GNG10: variants seen among roughly 807,000 people sequenced by gnomAD.
GNG10 encodes guanine nucleotide-binding protein G(I)/G(S)/G(O) subunit gamma-10.
In GNG10, 7 loss-of-function variants were observed where a neutral mutation model predicts 6.8. The ratio of observed to expected loss-of-function variants is 1.02; its 90% confidence interval spans 0.58 to 1.92. The LOEUF (loss-of-function observed/expected upper bound fraction) is 1.92, where lower values mean the gene tolerates loss of function less well. Ranked by LOEUF, GNG10 falls within the 30% of genes most tolerant of loss-of-function variation. GNG10 has a pLI of 0.00. For missense variants in GNG10, 57 were observed against 86.1 expected, an observed-to-expected ratio of 0.66 and a Z score of 1.34; for synonymous variants, 28 against 34.8, an observed-to-expected ratio of 0.80 and a Z score of 0.69.
intron 1 of GNG10, among the ~76,000 whole-genome samples, chr9:111,664,882 G>A (rs553727347): frequency 6.6e-6 from 1 of 152,124 alleles, no homozygotes; most frequent in East Asian, 1.9e-4. Flanking sequence ...ATTGATTCTC[G>A]ATTTCTTTTG....
chr9:111,661,736 C>T lies in GNG10; in HGVS notation c.81+21C>T. ...TCAAGGTGCGGGCCCCGGGTACCCACGCTCCGGTCCTTCCGCCCGCGGGGC... is the reference window on the plus strand; with the variant it reads ...TCAAGGTGCGGGCCCCGGGTACCCATGCTCCGGTCCTTCCGCCCGCGGGGC... On this transcript the variant is annotated intron_variant, in intron 1 of 2. Coordinates refer to ENST00000374293, the MANE Select transcript of GNG10 (RefSeq NM_001017998.4). The surrounding 1 kb of genome is among the most constrained non-coding windows in gnomAD (Gnocchi z 6.1). 1.6e-6 allele frequency: 2 copies of T among 1,286,618 alleles called. No individual in the cohort carries two copies. The highest frequency in any genetic ancestry group is 2.0e-6 in the Non-Finnish European group (2 of 991,300). The allele number at this position is 1,286,618 out of a possible 1,614,324, so 79.7% of individuals were successfully genotyped here.
chr9:111,663,369 A>G (rs1209104941), intron 1 of GNG10, among the ~76,000 whole-genome samples: 2 of 152,150 alleles, frequency 1.3e-5, no homozygotes, highest in African/African-American at 4.8e-5. Context: ...CAGGGGAGGT[A>G]TGCCAGAAAG....
At position 111,669,553 on chromosome 9, in the gene GNG10, T is replaced by C. The variant is rs1417908235; in HGVS notation, c.*291T>C. On this transcript the variant is annotated 3_prime_UTR_variant, in exon 3 of 3. Transcript: ENST00000374293. ...ACCACCAAACATACCAAAATGCACCTCTTTCATAAGTGAGTTACTAAGATT... is the reference window on the plus strand; with the variant it reads ...ACCACCAAACATACCAAAATGCACCCCTTTCATAAGTGAGTTACTAAGATT... 3 of 150,106 alleles carry C rather than the reference T, an allele frequency of 2.0e-5. No individual in the cohort carries two copies. The highest frequency in any genetic ancestry group is 4.4e-5 in the Non-Finnish European group (3 of 67,772). The allele number at this position is 150,106 out of a possible 1,614,324, so 9.3% of individuals were successfully genotyped here.
rs186151070 is a variant in GNG10 at position 111,667,354 on chromosome 9, C to T, written c.*6+408C>T. 3.2e-4 allele frequency among the ~76,000 whole-genome samples: 49 copies of T among 152,186 alleles called. 1 individual carries two copies. The highest frequency in any genetic ancestry group is 1.1e-3 in the African/African-American group (45 of 41,518). ...AAGCAATTCTCTTGTCTCAGCCTCCCGAGTAGCTGGGACTACAGGTGCCTG... is the reference window on the plus strand; with the variant it reads ...AAGCAATTCTCTTGTCTCAGCCTCCTGAGTAGCTGGGACTACAGGTGCCTG... On this transcript the variant is annotated intron_variant, in intron 2 of 2. Transcript: ENST00000374293.
At chr9:111,664,850 A>C (rs1830874412) in intron 1 of GNG10, among the ~76,000 whole-genome samples, 1 of 152,202 alleles carries the variant, frequency 6.6e-6, no homozygotes, top group Admixed American at 6.5e-5. Context: ...ACCCCAATGC[A>C]AAGATAGTAA....
At position 111,662,939 on chromosome 9, in the gene GNG10, G is replaced by A. The variant is rs1830845576; in HGVS notation, c.81+1224G>A. 2.0e-5 allele frequency among the ~76,000 whole-genome samples: 3 copies of A among 152,048 alleles called. No individual in the cohort carries two copies. The South Asian group carries it at 6.2e-4, about 31-fold the overall frequency. On this transcript the variant is annotated intron_variant, in intron 1 of 2. Coordinates refer to ENST00000374293, the MANE Select transcript of GNG10 (RefSeq NM_001017998.4). ...TAGGAAATGAAAAGCCATGTTTTAG[G>A]GTTGAGAGGAAGTAACAAATTATAT...
At chr9:111,664,297 T>G (rs1830868098) in intron 1 of GNG10, among the ~76,000 whole-genome samples, 1 of 152,192 alleles carries the variant, frequency 6.6e-6, no homozygotes, top group African/African-American at 2.4e-5. Flanking sequence ...TTGGCAGGGC[T>G]TCCCTCAGAC....
At chr9:111,663,819 T>G (rs911428687) in intron 1 of GNG10, among the ~76,000 whole-genome samples, 1 of 121,890 alleles carries the variant, frequency 8.2e-6, no homozygotes, top group African/African-American at 3.6e-5. Flanking sequence ...AGGAAAGATA[T>G]TCTTTTTTTT....
intron 2 of GNG10, among the ~76,000 whole-genome samples, chr9:111,667,512 G>A (rs1830923436): frequency 6.6e-6 from 1 of 152,024 alleles, no homozygotes; most frequent in African/African-American, 2.4e-5. Context: ...TTACAGGTGT[G>A]AGCCACCACA....
intron 1 of GNG10, among the ~76,000 whole-genome samples, chr9:111,666,347 A>G (rs1030521913): frequency 1.3e-5 from 2 of 152,180 alleles, no homozygotes. Context: ...ACTCCCAAAT[A>G]ATAAGCTATA....
At chr9:111,668,776 C>T (rs1350076342) in intron 2 of GNG10, among the ~76,000 whole-genome samples, 2 of 152,090 alleles carry the variant, frequency 1.3e-5, no homozygotes, top group African/African-American at 2.4e-5. Context: ...TGAGCCACTG[C>T]GCCCGGCCTT....
chr9:111,668,022 A>C (rs1830933867), intron 2 of GNG10, among the ~76,000 whole-genome samples: 1 of 151,846 alleles, frequency 6.6e-6, no homozygotes. Flanking sequence ...ATGCCCACCT[A>C]ATTTTTTTGT....
intron 1 of GNG10, among the ~76,000 whole-genome samples, chr9:111,662,642 T>G (rs13287134): frequency 0.86 from 130,784 of 151,598 alleles, 56,803 homozygotes; most frequent in African/African-American, 0.95. Flanking sequence ...TGCCTCAGTT[T>G]CTCCTTTGCT....
chr9:111,665,292 A>G (rs1382389007), intron 1 of GNG10, among the ~76,000 whole-genome samples: 1 of 152,182 alleles, frequency 6.6e-6, no homozygotes, highest in African/African-American at 2.4e-5. Context: ...GGAAGATAAG[A>G]AAAGGGATAA....
Position 111,661,662 on chromosome 9 carries a change from C to T in GNG10, c.28C>T (p.Leu10=). 1 of 1,380,380 alleles carries T rather than the reference C, an allele frequency of 7.2e-7. No individual in the cohort carries two copies. The highest frequency in any genetic ancestry group is 9.6e-7 in the Non-Finnish European group (1 of 1,047,088). 85.5% of individuals were successfully genotyped at this position (1,380,380 alleles called of 1,614,324 possible). MSSGASASA[L]QRLVEQLKLE... is the part of the protein sequence containing the mutation. ...GTCCTCCGGGGCTAGCGCGAGCGCCCTGCAGCGCTTGGTAGAGCAGCTCAA... is the reference window on the plus strand; with the variant it reads ...GTCCTCCGGGGCTAGCGCGAGCGCCTTGCAGCGCTTGGTAGAGCAGCTCAA... The change falls in exon 1 of 3, where the codon CTG becomes TTG. Residue 10 remains leucine, a synonymous_variant. Transcript: ENST00000374293. This position sits in a 1 kb window ranked among gnomAD's most constrained non-coding sequence, Gnocchi z 6.1.
At chr9:111,665,618 A>C (rs12344496) in intron 1 of GNG10, among the ~76,000 whole-genome samples, 17,646 of 152,130 alleles carry the variant, frequency 0.12, 1,136 homozygotes, top group African/African-American at 0.17. Flanking sequence ...GTTGTCTTAC[A>C]GTTCCACCTG....
intron 2 of GNG10, 95 bp downstream of exon 2, chr9:111,667,041 C>A: frequency 6.6e-7 from 1 of 1,515,798 alleles, no homozygotes; most frequent in South Asian, 1.3e-5. Context: ...GTCTCCTATT[C>A]TTGGGGAAAT....
In GNG10 at chr9:111,666,799, T is replaced by C. The variant is rs1324318349; in HGVS notation, c.82-16T>C. ...GGCTGTGAGCAGGGTGCCATGTTGC[T>C]GTCCCTTTGTTTCAGGTCTCTCAGG... On this transcript the variant is annotated splice_polypyrimidine_tract_variant and intron_variant, in intron 1 of 2. Coordinates refer to ENST00000374293, the MANE Select transcript of GNG10 (RefSeq NM_001017998.4). 1.9e-6 allele frequency: 3 copies of C among 1,611,194 alleles called. No individual in the cohort carries two copies. Among genetic ancestry groups the C allele is most frequent in the Non-Finnish European group, 1.7e-6 (2 of 1,178,948 alleles).
intron 2 of GNG10, among the ~76,000 whole-genome samples, chr9:111,668,712 T>C (rs748810942): frequency 6.6e-6 from 1 of 152,144 alleles, no homozygotes; most frequent in Non-Finnish European, 1.5e-5. Flanking sequence ...CTCAAACTCC[T>C]GACCTGAGGT....
Sources: gnomAD v4.1 joint callset for allele counts (sites outside exome capture counted in the v4.1 genomes callset) on GRCh38, gnomAD v4.1.1 for gene constraint, Gnocchi (gnomAD v3.1) non-coding constraint, MANE v1.5 for transcripts, NCBI Gene and HGNC (gene_info 2026-07-23, HGNC 2026-07-21) for gene names.